The following MAPK9 variants were observed in gnomAD, a reference collection of about 807,000 sequenced individuals.
The protein encoded by MAPK9 is Jun kinase.
In MAPK9, 30 loss-of-function variants were observed where a neutral mutation model predicts 57.1. That is an observed-to-expected ratio of 0.53 (90% confidence interval 0.39 to 0.71). The LOEUF is 0.71. Among genes scored for constraint, MAPK9 ranks in the 30% least tolerant of loss-of-function variants. The pLI is 0.00. For missense variants in MAPK9, 362 were observed against 521.0 expected (o/e 0.69, Z 2.97); for synonymous variants, 155 against 177.0 (o/e 0.88, Z 0.99).
rs150348396 is a variant in MAPK9, at chr5:180,249,367, T to C, written c.451-229A>G. On this transcript the variant is annotated intron_variant, in intron 5 of 11. Transcript: ENST00000452135. ...CAGTGGAAACCTTCATGGCCCCCATTTGCCCTTTCTGTGGTCTCGCAGGCC... is the reference window on the plus strand; with the variant it reads ...CAGTGGAAACCTTCATGGCCCCCATCTGCCCTTTCTGTGGTCTCGCAGGCC... Among the ~76,000 whole-genome samples, 3 of 152,286 alleles carry C rather than the reference T, an allele frequency of 2.0e-5. No homozygotes were observed. In the East Asian group the frequency reaches 5.8e-4, roughly 29 times the overall value.
intron 5 of MAPK9, 109 bp downstream of exon 5, chr5:180,261,575 A>G (rs1759969393): frequency 2.9e-6 from 3 of 1,050,828 alleles, no homozygotes; most frequent in South Asian, 1.8e-5. Context: ...TCCATCATCT[A>G]TTTGGATTTT....
At chr5:180,278,360 G>A (rs1159712854) in intron 2 of MAPK9, among the ~76,000 whole-genome samples, 1 of 152,194 alleles carries the variant, frequency 6.6e-6, no homozygotes, top group Admixed American at 6.5e-5. Context: ...ACCTTCAAAA[G>A]CAAGTGAATG....
intron 5 of MAPK9, among the ~76,000 whole-genome samples, chr5:180,256,479 G>A (rs981794695): frequency 1.4e-4 from 22 of 152,250 alleles, no homozygotes; most frequent in Non-Finnish European, 1.9e-4. Flanking sequence ...TCCCCACAGT[G>A]AGCATGCATC....
rs772235461 is a variant in MAPK9, at chr5:180,247,753, A to C, written c.617-243T>G. 12 of 1,290,608 alleles carry C rather than the reference A, an allele frequency of 9.3e-6. No homozygotes were observed. The highest frequency in any genetic ancestry group is 1.5e-5 in the African/African-American group (1 of 68,210). The allele number at this position is 1,290,608 out of a possible 1,614,324, so 79.9% of individuals were successfully genotyped here. The stretch of plus-strand genomic sequence containing the variant: ...GCTTAAAACAAACAAACAAACAAAC[A>C]AAAAACCAGAAACAAGAAGTGCCTG... On this transcript the variant is annotated intron_variant, in intron 6 of 11. Transcript: ENST00000452135. This position sits in a 1 kb window ranked among gnomAD's most constrained non-coding sequence, Gnocchi z 4.5.
intron 2 of MAPK9, among the ~76,000 whole-genome samples, chr5:180,278,420 G>C (rs1035316106): frequency 3.3e-5 from 5 of 152,242 alleles, no homozygotes; most frequent in African/African-American, 1.2e-4. Flanking sequence ...GCTACCTGTA[G>C]GCCGGGCGCA....
intron 7 of MAPK9, 118 bp from the exon 8 acceptor site, chr5:180,242,873 G>T (rs367612043): frequency 5.9e-6 from 4 of 680,400 alleles, no homozygotes; most frequent in South Asian, 2.9e-5. Flanking sequence ...GATCAGCAGC[G>T]GAATTTTGAA....
intron 2 of MAPK9, 89 bp downstream of exon 2, chr5:180,280,351 T>C (rs1762215459): frequency 2.7e-6 from 4 of 1,506,320 alleles, no homozygotes; most frequent in Admixed American, 4.3e-5. Flanking sequence ...TTTTTTTTAA[T>C]CATCAATGTT....
At chr5:180,250,892 C>T (rs543212517) in intron 5 of MAPK9, among the ~76,000 whole-genome samples, 2 of 152,216 alleles carry the variant, frequency 1.3e-5, no homozygotes, top group Non-Finnish European at 2.9e-5. Flanking sequence ...GGAGAAGCAG[C>T]CCACATTCAA....
chr5:180,240,119 T>A, intron 9 of MAPK9, 132 bp from the exon 10 acceptor site: 1 of 657,130 alleles, frequency 1.5e-6, no homozygotes, highest in South Asian at 1.8e-5. Flanking sequence ...ACACGTGGTT[T>A]AATAAAGATT....
Position 180,280,420 on chromosome 5 carries a change from T to C in MAPK9, c.122+20A>G. 3 of 1,611,504 alleles carry C rather than the reference T, an allele frequency of 1.9e-6. No individual in the cohort carries two copies. The highest frequency in any genetic ancestry group is 2.5e-6 in the Non-Finnish European group (3 of 1,179,278). On this transcript the variant is annotated intron_variant, in intron 2 of 11. Transcript: ENST00000452135. ...TACAGCAAAAACTCAATCCACGCTA[T>C]TAAAACAGACCATACTTACCAAACA...
chr5:180,238,158 T>C (rs1344483442), intron 11 of MAPK9, 174 bp downstream of exon 11: 4 of 468,554 alleles, frequency 8.5e-6, no homozygotes, highest in African/African-American at 6.1e-5. Flanking sequence ...TAGTCCCAGC[T>C]ACTCGGGAGG....
intron 3 of MAPK9, among the ~76,000 whole-genome samples, chr5:180,267,357 C>G (rs555810620): frequency 6.3e-4 from 95 of 151,900 alleles, no homozygotes; most frequent in East Asian, 2.5e-3. Context: ...GTCAGGAGAT[C>G]GAGACCATCC....
chr5:180,275,219 T>TC (rs1344394309), intron 2 of MAPK9, among the ~76,000 whole-genome samples: 1 of 152,204 alleles, frequency 6.6e-6, no homozygotes, highest in African/African-American at 2.4e-5. Context: ...GTTTGCTATC[T>TC]AGAAATAATT....
chr5:180,250,904 C>A (rs1758610612), intron 5 of MAPK9, among the ~76,000 whole-genome samples: 1 of 152,132 alleles, frequency 6.6e-6, no homozygotes, highest in African/African-American at 2.4e-5. Context: ...CACATTCAAC[C>A]AGGGACGCTC....
intron 5 of MAPK9, among the ~76,000 whole-genome samples, chr5:180,252,541 T>G (rs747620974): frequency 2.0e-5 from 3 of 152,094 alleles, no homozygotes; most frequent in Non-Finnish European, 4.4e-5. Flanking sequence ...GTGATCTTGT[T>G]TTTGATTTAC....
intron 2 of MAPK9, among the ~76,000 whole-genome samples, chr5:180,273,502 T>C (rs993047547): frequency 1.3e-5 from 2 of 152,148 alleles, no homozygotes; most frequent in African/African-American, 2.4e-5. Context: ...GCTGGAATTA[T>C]AGGCATGAGC....
intron 1 of MAPK9, among the ~76,000 whole-genome samples, chr5:180,285,421 CCCTACCAAAA>C (rs1181868397): frequency 2.6e-5 from 4 of 152,194 alleles, no homozygotes; most frequent in Non-Finnish European, 4.4e-5. Flanking sequence ...TGCTGACTCC[CCCTACCAAAA>C]CCTACCAAAA....
intron 11 of MAPK9, chr5:180,237,215 CT>C (rs931840066): frequency 3.9e-5 from 6 of 152,130 alleles, no homozygotes; most frequent in Non-Finnish European, 8.8e-5. Flanking sequence ...TAACAAGCAC[CT>C]AAGTTCTTGC....
chr5:180,288,374 C>T (rs1022633292), intron 1 of MAPK9, among the ~76,000 whole-genome samples: 2 of 152,288 alleles, frequency 1.3e-5, no homozygotes, highest in Middle Eastern at 3.4e-3. Flanking sequence ...CAACGTATGG[C>T]CTTCTCTTGC....
Sources: allele counts gnomAD v4.1 joint callset (sites outside exome capture counted in the v4.1 genomes callset), GRCh38; gene constraint gnomAD v4.1.1; non-coding constraint Gnocchi (gnomAD v3.1); transcripts MANE v1.5; gene names NCBI Gene and HGNC (gene_info 2026-07-23, HGNC 2026-07-21).